The following INTS14 variants were observed in gnomAD, a reference collection of about 807,000 sequenced individuals.
INTS14 encodes the protein UPF0464 protein C15orf44.
Under a neutral mutation model 56.9 loss-of-function variants are expected in INTS14, and 27 were observed. The ratio of observed to expected loss-of-function variants is 0.47; its 90% confidence interval spans 0.35 to 0.65. The LOEUF is 0.65. INTS14 is among the 30% of genes least tolerant of loss of function. The pLI, the probability that INTS14 is intolerant of heterozygous loss-of-function variation, is 0.00. For missense variants in INTS14, 517 were observed against 632.2 expected (o/e 0.82, Z 1.95); for synonymous variants, 207 against 236.2 (o/e 0.88, Z 1.13).
chr15:65,599,133 A>G, intron 4 of INTS14, 143 bp from the exon 5 acceptor site: 1 of 604,546 alleles, frequency 1.7e-6, no homozygotes, highest in Non-Finnish European at 2.9e-6. Flanking sequence ...GAAGAAAATA[A>G]CAACAACAAT....
intron 1 of INTS14, among the ~76,000 whole-genome samples, chr15:65,608,738 T>C (rs1196181135): frequency 6.6e-6 from 1 of 152,192 alleles, no homozygotes; most frequent in Non-Finnish European, 1.5e-5. Flanking sequence ...ATAATGCAAA[T>C]ATACAATTAG....
chr15:65,599,272 T>A (rs58977906), intron 4 of INTS14: 4,825 of 260,382 alleles, frequency 0.019, 238 homozygotes, highest in African/African-American at 0.099. Flanking sequence ...CCCTCCAAAG[T>A]GTTTCTAACG....
At chr15:65,595,687 T>G (rs746812910) in intron 7 of INTS14, 46 bp downstream of exon 7, 1 of 1,441,782 alleles carries the variant, frequency 6.9e-7, no homozygotes, top group Non-Finnish European at 9.5e-7. Context: ...AAGAACAACT[T>G]TAGTTAATAA....
At position 65,598,343 on chromosome 15, in the gene INTS14, A is replaced by G; in HGVS notation, c.726T>C (p.Pro242=). Residue 242 remains proline, a synonymous_variant, in exon 6 of 12, where the codon CCT becomes CCC. Coordinates refer to ENST00000313182, the MANE Select transcript of INTS14 (RefSeq NM_001394796.1). ...TACCTGTGTTAATGACTTTAGGGAT[A>G]GGATCAATTTCTTCATCTACAACAA... ...EPFVVDEEID[P]IPKVINTDLE... The G allele has an allele frequency of 6.2e-7, 1 of 1,614,002 alleles. No individual in the cohort carries two copies. Among genetic ancestry groups the G allele is most frequent in the Non-Finnish European group, 8.5e-7 (1 of 1,179,912 alleles).
chr15:65,607,862 T>G (rs1438837944), intron 1 of INTS14, among the ~76,000 whole-genome samples: 1 of 152,288 alleles, frequency 6.6e-6, no homozygotes, highest in East Asian at 1.9e-4. Flanking sequence ...CTTTTTGCAG[T>G]ATTACTGCAT....
chr15:65,591,267 G>A (rs1405175579), intron 9 of INTS14, among the ~76,000 whole-genome samples: 1 of 151,940 alleles, frequency 6.6e-6, no homozygotes, highest in Non-Finnish European at 1.5e-5. Flanking sequence ...CAAGAAGGAG[G>A]AAAGATTACA....
At chr15:65,599,495 G>C (rs566319710) in intron 4 of INTS14, 4 of 257,406 alleles carry the variant, frequency 1.6e-5, no homozygotes, top group African/African-American at 8.9e-5. Context: ...TTCTATATAA[G>C]GGAAATGAAC....
Position 65,591,655 on chromosome 15 carries a change from G to C in INTS14, c.1063C>G (p.Pro355Ala). ...AGCCATGGGAGAGGTTCTGGGCCAG[G>C]CTCAAAGAGAGACATCATGAGGTTT... ...KSNLMMSLFEPGPEPLPWLGK... is the reference protein window; with the variant it reads ...KSNLMMSLFEAGPEPLPWLGK... Residue 355 changes from proline (P) to alanine (A), a missense_variant, in exon 9 of 12, where the codon CCT becomes GCT. Transcript: ENST00000313182. 1 of 1,614,176 alleles carries C rather than the reference G, an allele frequency of 6.2e-7. No homozygotes were observed. The highest frequency in any genetic ancestry group is 8.5e-7 in the Non-Finnish European group (1 of 1,180,016).
rs572807003 is a variant in INTS14 at position 65,579,921 on chromosome 15, C to T, written c.1306-262G>A. 2.6e-5 allele frequency among the ~76,000 whole-genome samples: 4 copies of T among 152,236 alleles called. No homozygotes were observed. The South Asian group carries it at 6.2e-4, about 24-fold the overall frequency. ...CATCACAGTTAATGAGCATTTATGC[C>T]ACATGTGGTAGTCAGCACTTTGCAT... On this transcript the variant is annotated intron_variant, in intron 11 of 11. Coordinates refer to ENST00000313182, the MANE Select transcript of INTS14 (RefSeq NM_001394796.1).
intron 7 of INTS14, among the ~76,000 whole-genome samples, chr15:65,595,524 C>T (rs2073180321): frequency 6.6e-6 from 1 of 152,252 alleles, no homozygotes; most frequent in Non-Finnish European, 1.5e-5. Flanking sequence ...CACAAACCAA[C>T]ACACAGTAAA....
At chr15:65,585,349 A>G (rs1198252055) in intron 9 of INTS14, among the ~76,000 whole-genome samples, 2 of 152,192 alleles carry the variant, frequency 1.3e-5, no homozygotes, top group African/African-American at 4.8e-5. Flanking sequence ...AGTGTGACTG[A>G]GAAACTGAAT....
chr15:65,582,592 GAGA>G (rs1297387994), intron 10 of INTS14, among the ~76,000 whole-genome samples: 2 of 152,082 alleles, frequency 1.3e-5, no homozygotes, highest in African/African-American at 4.8e-5. Context: ...AAGAGAAAAA[GAGA>G]AGAAGAAAAA....
Position 65,607,459 on chromosome 15 carries a change from C to A in INTS14, c.-62-17G>T, listed in dbSNP as rs761162152. Reference sequence around the variant, plus strand: ...GAAGAAATGCTGCAGAAAATAAATACGTTCTTACATGTCATGGAGAGAAAA... The same window carrying A: ...GAAGAAATGCTGCAGAAAATAAATAAGTTCTTACATGTCATGGAGAGAAAA... On this transcript the variant is annotated splice_polypyrimidine_tract_variant and intron_variant, in intron 1 of 11. Coordinates refer to ENST00000313182, the MANE Select transcript of INTS14 (RefSeq NM_001394796.1). 6 of 1,573,382 alleles carry A rather than the reference C, an allele frequency of 3.8e-6. No individual in the cohort carries two copies. Among genetic ancestry groups the A allele is most frequent in the Non-Finnish European group, 4.3e-6 (5 of 1,155,310 alleles).
chr15:65,589,474 T>C (rs943825621), intron 9 of INTS14, among the ~76,000 whole-genome samples: 5 of 152,246 alleles, frequency 3.3e-5, no homozygotes, highest in Non-Finnish European at 7.3e-5. Context: ...TTATCATTTC[T>C]TTGTGTTGTG....
intron 11 of INTS14, among the ~76,000 whole-genome samples, chr15:65,580,133 A>AAAAG (rs1360077828): frequency 6.6e-6 from 1 of 152,144 alleles, no homozygotes; most frequent in Admixed American, 6.5e-5. Context: ...AAGACCAACA[A>AAAAG]AAAGAAAGGC....
At chr15:65,591,465 C>T in intron 9 of INTS14, 133 bp downstream of exon 9, 3 of 1,207,206 alleles carry the variant, frequency 2.5e-6, no homozygotes, top group East Asian at 5.0e-5. Context: ...TCACCGTACA[C>T]ATCCAGCATC....
chr15:65,579,551 G>A lies in INTS14; in HGVS notation c.1414C>T (p.His472Tyr). The change falls in exon 12 of 12, where the codon CAC becomes TAC. Residue 472 changes from histidine to tyrosine, a missense_variant. By Grantham distance (83) the His-to-Tyr change is moderately conservative. Coordinates refer to ENST00000313182, the MANE Select transcript of INTS14 (RefSeq NM_001394796.1). ...RECTLLPETA[H>Y]PDAAFQLTHA... Reference sequence around the variant, plus strand: ...GTCAGCTGGAATGCAGCATCAGGGTGGGCTGTCTCAGGCAGCAGTGTGCAT... The same window carrying A: ...GTCAGCTGGAATGCAGCATCAGGGTAGGCTGTCTCAGGCAGCAGTGTGCAT... 6.2e-7 allele frequency: 1 copy of A among 1,614,164 alleles called. No individual in the cohort carries two copies. The highest frequency in any genetic ancestry group is 8.5e-7 in the Non-Finnish European group (1 of 1,180,024).
At chr15:65,594,177 CA>C (rs1022184194) in intron 7 of INTS14, among the ~76,000 whole-genome samples, 3 of 152,134 alleles carry the variant, frequency 2.0e-5, no homozygotes, top group African/African-American at 7.2e-5. Flanking sequence ...CAAAGGTAAA[CA>C]ATGATTATAA....
intron 1 of INTS14, among the ~76,000 whole-genome samples, chr15:65,608,370 A>T (rs922154252): frequency 6.6e-6 from 1 of 151,458 alleles, no homozygotes. Context: ...ATCTCAAAAA[A>T]AAAAAAAAAA....
Sources: gnomAD v4.1 joint callset for allele counts (sites outside exome capture counted in the v4.1 genomes callset) on GRCh38, gnomAD v4.1.1 for gene constraint, MANE v1.5 for transcripts, NCBI Gene and HGNC (gene_info 2026-07-23, HGNC 2026-07-21) for gene names.